ASXL3: variants seen among roughly 807,000 people sequenced by gnomAD.
The protein encoded by ASXL3 is putative Polycomb group protein ASXL3.
Under a neutral mutation model 170.6 loss-of-function variants are expected in ASXL3, and 34 were observed. The observed-to-expected ratio is 0.20, with a 90% confidence interval of 0.15 to 0.27. The LOEUF is 0.27. Ranked by LOEUF, ASXL3 falls within the 10% of genes least tolerant of loss-of-function variation. The probability of loss-of-function intolerance (pLI) is 1.00; values close to 1 mark genes in which losing one functional copy is unlikely to be tolerated. For missense variants in ASXL3, 2,592 were observed against 2,695.3 expected (o/e 0.96, Z 0.85); for synonymous variants, 1,002 against 989.1 (o/e 1.01, Z -0.24).
chr18:33,681,818 ATT>A (rs758295902), intron 7 of ASXL3, among the ~76,000 whole-genome samples: 23 of 151,896 alleles, frequency 1.5e-4, no homozygotes, highest in Admixed American at 5.2e-4. Context: ...GACTTATTAC[ATT>A]CTTTGTATTT....
intron 2 of ASXL3, among the ~76,000 whole-genome samples, chr18:33,640,584 CAG>C (rs1188675676): frequency 6.6e-6 from 1 of 151,986 alleles, no homozygotes; most frequent in African/African-American, 2.4e-5. Context: ...GAAGTATATA[CAG>C]AGTTTAGTCC....
intron 8 of ASXL3, among the ~76,000 whole-genome samples, chr18:33,707,067 C>G (rs2066972669): frequency 6.6e-6 from 1 of 151,624 alleles, no homozygotes; most frequent in Non-Finnish European, 1.5e-5. Context: ...TATATGTGAG[C>G]ATCTATTTAT....
rs1469686045 is a variant in ASXL3, at chr18:33,726,089, G to A, written c.880-5879G>A. 2.0e-5 allele frequency among the ~76,000 whole-genome samples: 3 copies of A among 152,226 alleles called. No individual in the cohort carries two copies. In the South Asian group the frequency reaches 6.2e-4, roughly 32 times the overall value. Reference sequence around the variant, plus strand: ...GGAATTATAATCAGCATCTCAACCTGATGTAGTGCTAAAACAAACCTCCTC... The same window carrying A: ...GGAATTATAATCAGCATCTCAACCTAATGTAGTGCTAAAACAAACCTCCTC... On this transcript the variant is annotated intron_variant, in intron 8 of 11. Coordinates refer to ENST00000269197, the MANE Select transcript of ASXL3 (RefSeq NM_030632.3).
At chr18:33,606,697 A>G (rs1402570509) in intron 1 of ASXL3, among the ~76,000 whole-genome samples, 1 of 151,966 alleles carries the variant, frequency 6.6e-6, no homozygotes, top group Non-Finnish European at 1.5e-5. Context: ...AGCATCTTTA[A>G]TTAGGTGTCA....
In ASXL3 at chr18:33,730,286, A is replaced by G. The variant is rs1019055110; in HGVS notation, c.880-1682A>G. 3.3e-5 allele frequency among the ~76,000 whole-genome samples: 5 copies of G among 152,234 alleles called. No homozygotes were observed. The East Asian group carries it at 9.7e-4, about 29-fold the overall frequency. On this transcript the variant is annotated intron_variant, in intron 8 of 11. Coordinates refer to ENST00000269197, the MANE Select transcript of ASXL3 (RefSeq NM_030632.3). ...CCAAATGACAAGAGTGCCAATCTTG[A>G]GAAACCCTGCTCTAATAGAAGTGAT...
At chr18:33,588,999 T>G (rs2065056326) in intron 1 of ASXL3, among the ~76,000 whole-genome samples, 1 of 152,142 alleles carries the variant, frequency 6.6e-6, no homozygotes, top group South Asian at 2.1e-4. Context: ...ACTCTTCAGA[T>G]CCTTGTTTTT....
chr18:33,687,951 T>C (rs2066624429), intron 8 of ASXL3, among the ~76,000 whole-genome samples: 1 of 152,196 alleles, frequency 6.6e-6, no homozygotes, highest in African/African-American at 2.4e-5. Flanking sequence ...CATTTCATTA[T>C]TTAAATAAAT....
intron 9 of ASXL3, 108 bp from the exon 10 acceptor site, chr18:33,734,202 T>C: frequency 1.6e-6 from 1 of 629,344 alleles, no homozygotes; most frequent in Non-Finnish European, 2.6e-6. Context: ...TTTGTCCTTG[T>C]ACTTTTCAAG....
At position 33,734,482 on chromosome 18, in the gene ASXL3, A is replaced by G. The variant is rs1053312355; in HGVS notation, c.1082+67A>G. 8 of 1,029,366 alleles carry G rather than the reference A, an allele frequency of 7.8e-6. No individual in the cohort carries two copies. In the African/African-American group the frequency reaches 1.1e-4, roughly 15 times the overall value. 63.8% of individuals were successfully genotyped at this position (1,029,366 alleles called of 1,614,324 possible). A position where few individuals can be genotyped will look rare whatever the true frequency, so the allele number is the denominator to read the frequency against. On this transcript the variant is annotated intron_variant, in intron 10 of 11. Transcript: ENST00000269197. ...ATGAAAATGTAATTCTCTGCTTCAC[A>G]TAGCACACTCATATGCTGTAAAACT...
intron 2 of ASXL3, among the ~76,000 whole-genome samples, chr18:33,636,596 T>G (rs1296379047): frequency 6.6e-6 from 1 of 152,060 alleles, no homozygotes; most frequent in Admixed American, 6.6e-5. Context: ...GTGAACGTAG[T>G]TGGGGCTTTG....
rs75234011 is a variant in ASXL3 at position 33,657,393 on chromosome 18, T to C, written c.356-4223T>C. 3.0e-3 allele frequency among the ~76,000 whole-genome samples: 458 copies of C among 152,198 alleles called. 3 individuals are homozygous for C. The highest frequency in any genetic ancestry group is 0.011 in the African/African-American group (444 of 41,548). On this transcript the variant is annotated intron_variant, in intron 4 of 11. Coordinates refer to ENST00000269197, the MANE Select transcript of ASXL3 (RefSeq NM_030632.3). Reference sequence around the variant, plus strand: ...CAAGAGAGATAGATCAAGTTTGTATTCTGATTGCTCCTTTCTGTATATCCT... The same window carrying C: ...CAAGAGAGATAGATCAAGTTTGTATCCTGATTGCTCCTTTCTGTATATCCT...
At chr18:33,607,731 C>T (rs1332943018) in intron 2 of ASXL3, 55 bp downstream of exon 2, 5 of 1,313,748 alleles carry the variant, frequency 3.8e-6, no homozygotes, top group Middle Eastern at 1.9e-4. Context: ...AATTGCCACT[C>T]GTTGCTAAGC....
At chr18:33,730,098 G>A (rs776746908) in intron 8 of ASXL3, among the ~76,000 whole-genome samples, 1 of 152,094 alleles carries the variant, frequency 6.6e-6, no homozygotes, top group Non-Finnish European at 1.5e-5. Context: ...TCTCAACTAG[G>A]GATGATTTTG....
At chr18:33,597,834 A>C (rs1398370008) in intron 1 of ASXL3, among the ~76,000 whole-genome samples, 1 of 152,028 alleles carries the variant, frequency 6.6e-6, no homozygotes, top group Admixed American at 6.6e-5. Context: ...AAACAAAACA[A>C]ATCTACCTGA....
intron 2 of ASXL3, among the ~76,000 whole-genome samples, chr18:33,624,558 G>A (rs953074492): frequency 3.3e-5 from 5 of 151,964 alleles, no homozygotes; most frequent in African/African-American, 9.7e-5. Flanking sequence ...CTTTCCCACC[G>A]TCCATACTCA....
At chr18:33,723,821 GC>G (rs2067301822) in intron 8 of ASXL3, among the ~76,000 whole-genome samples, 1 of 152,084 alleles carries the variant, frequency 6.6e-6, no homozygotes, top group Non-Finnish European at 1.5e-5. Context: ...CTTATTTTAA[GC>G]AATTATCATA....
At chr18:33,589,888 A>G (rs2065063182) in intron 1 of ASXL3, among the ~76,000 whole-genome samples, 1 of 152,276 alleles carries the variant, frequency 6.6e-6, no homozygotes, top group Non-Finnish European at 1.5e-5. Flanking sequence ...TAATCCTGTG[A>G]GTAAGCTTAG....
Position 33,590,153 on chromosome 18 carries a change from A to G in ASXL3, c.54+11468A>G, listed in dbSNP as rs149755303. Among the ~76,000 whole-genome samples the G allele has an allele frequency of 2.2e-3, 207 of 93,646 alleles. 1 individual carries two copies. The highest frequency in any genetic ancestry group is 0.014 in the African/African-American group (198 of 14,304). The allele number at this position is 93,646 out of a possible 152,430, so 61.4% of individuals were successfully genotyped here. A position where few individuals can be genotyped will look rare whatever the true frequency, so the allele number is the denominator to read the frequency against. On this transcript the variant is annotated intron_variant, in intron 1 of 11. Coordinates refer to ENST00000269197, the MANE Select transcript of ASXL3 (RefSeq NM_030632.3). ...TTTGCTTTGTTTTTTTCTTGGCTTC[A>G]TGGTGTAGGCAGGATTCTATTTAGG... is the stretch of plus-strand genomic sequence containing the variant.
At chr18:33,597,462 CTTAGACT>C (rs1418213402) in intron 1 of ASXL3, among the ~76,000 whole-genome samples, 1 of 152,142 alleles carries the variant, frequency 6.6e-6, no homozygotes, top group Admixed American at 6.6e-5. Context: ...CCATCTCCCT[CTTAGACT>C]ACGTCTCATT....
Sources: allele counts gnomAD v4.1 joint callset (sites outside exome capture counted in the v4.1 genomes callset), GRCh38; gene constraint gnomAD v4.1.1; transcripts MANE v1.5; gene names NCBI Gene and HGNC (gene_info 2026-07-23, HGNC 2026-07-21).